Variants in TAF3 observed in about 807,000 individuals in gnomAD.
TAF3 encodes the protein TATA-box binding protein associated factor 3.
TAF3 carries 7 observed loss-of-function variants against 80.6 expected under a neutral mutation model. That is an observed-to-expected ratio of 0.09 (90% CI 0.05 to 0.16). TAF3 has a LOEUF of 0.16. TAF3 is among the 10% of genes least tolerant of loss of function. The pLI is 1.00. For synonymous variants in TAF3, 444 were observed against 446.1 expected (o/e 1.00, Z 0.06); for missense variants, 921 against 1,140.2 (o/e 0.81, Z 2.77).
intron 3 of TAF3, among the ~76,000 whole-genome samples, chr10:7,969,855 C>T (rs116703109): frequency 6.6e-6 from 1 of 152,210 alleles, no homozygotes; most frequent in Non-Finnish European, 1.5e-5. Context: ...CTGCCACTTA[C>T]TCGTTATTCA....
intron 2 of TAF3, among the ~76,000 whole-genome samples, chr10:7,864,396 T>C (rs1837188721): frequency 6.6e-6 from 1 of 152,244 alleles, no homozygotes. Flanking sequence ...TGGTTAACTC[T>C]AACAAATGCA....
chr10:7,958,535 A>G (rs773945058), intron 2 of TAF3, among the ~76,000 whole-genome samples: 4 of 152,180 alleles, frequency 2.6e-5, no homozygotes, highest in Admixed American at 6.5e-5. Context: ...GTAAAGTTCA[A>G]AAACAAGCAA....
intron 2 of TAF3, among the ~76,000 whole-genome samples, chr10:7,923,398 C>T (rs1274703562): frequency 6.6e-6 from 1 of 151,876 alleles, no homozygotes; most frequent in Non-Finnish European, 1.5e-5. Flanking sequence ...AAAATGGACT[C>T]GTGTCCTTTG....
chr10:7,997,517 C>T lies in TAF3; in HGVS notation c.2316-11561C>T, dbSNP rs572855384. 2.0e-5 allele frequency among the ~76,000 whole-genome samples: 3 copies of T among 152,324 alleles called. No individual in the cohort carries two copies. The East Asian group carries it at 5.8e-4, about 29-fold the overall frequency. ...TGAGTTTGCATTACAGGCCAAGCAG[C>T]TCATGACCCATTCTATTTATGTCAC... On this transcript the variant is annotated intron_variant, in intron 4 of 6. Transcript: ENST00000344293.
In TAF3 at chr10:7,990,169, G is replaced by A. The variant is rs75126656; in HGVS notation, c.2315+12846G>A. Among the ~76,000 whole-genome samples the A allele has an allele frequency of 8.5e-3, 1,298 of 152,270 alleles. 20 individuals are homozygous for A. Among genetic ancestry groups the A allele is most frequent in the African/African-American group, 0.028 (1,169 of 41,570 alleles). On this transcript the variant is annotated intron_variant, in intron 4 of 6. Coordinates refer to ENST00000344293, the MANE Select transcript of TAF3 (RefSeq NM_031923.4). Reference sequence around the variant, plus strand: ...TGTTATAACCCAACTGAGAAATGCTGCTTGATCTGTATATGAATACGTGAG... The same window carrying A: ...TGTTATAACCCAACTGAGAAATGCTACTTGATCTGTATATGAATACGTGAG...
intron 2 of TAF3, among the ~76,000 whole-genome samples, chr10:7,893,999 C>G (rs1050019188): frequency 1.3e-5 from 2 of 152,176 alleles, no homozygotes; most frequent in Non-Finnish European, 2.9e-5. Flanking sequence ...GTACAAAACT[C>G]AAGTTACTCC....
At chr10:7,879,271 G>C (rs1005431305) in intron 2 of TAF3, among the ~76,000 whole-genome samples, 1 of 152,038 alleles carries the variant, frequency 6.6e-6, no homozygotes, top group Non-Finnish European at 1.5e-5. Flanking sequence ...TAGTTAAACT[G>C]TATGGTAGAT....
chr10:7,901,099 C>T (rs1427292429), intron 2 of TAF3, among the ~76,000 whole-genome samples: 1 of 44,732 alleles, frequency 2.2e-5, no homozygotes, highest in African/African-American at 7.3e-5. Flanking sequence ...TAAATGCCCT[C>T]ATATTATAAA....
At chr10:7,993,453 A>T (rs1831853679) in intron 4 of TAF3, among the ~76,000 whole-genome samples, 1 of 152,230 alleles carries the variant, frequency 6.6e-6, no homozygotes, top group Non-Finnish European at 1.5e-5. Flanking sequence ...TGCTGAGATT[A>T]TAGGCGTGAG....
chr10:7,990,792 A>G, intron 4 of TAF3, among the ~76,000 whole-genome samples: 1 of 152,206 alleles, frequency 6.6e-6, no homozygotes, highest in South Asian at 2.1e-4. Context: ...AGAGGAGCAC[A>G]GGAGGTGCGT....
intron 2 of TAF3, among the ~76,000 whole-genome samples, chr10:7,948,020 T>C (rs987278172): frequency 6.6e-6 from 1 of 152,116 alleles, no homozygotes; most frequent in Non-Finnish European, 1.5e-5. Context: ...AAGTTTAAAT[T>C]GTCTCAAGTG....
chr10:7,963,854 T>C (rs1241116974), intron 2 of TAF3, 66 bp from the exon 3 acceptor site: 1 of 1,383,826 alleles, frequency 7.2e-7, no homozygotes, highest in East Asian at 2.5e-5. Flanking sequence ...GCATTGTTTT[T>C]ATTTCTTAGG....
rs751387268 is a variant in TAF3 at position 7,818,844 on chromosome 10, G to A, written c.135G>A (p.Leu45=). The change falls in exon 1 of 7, where the codon CTG becomes CTA. Residue 45 remains leucine, a synonymous_variant. Transcript: ENST00000344293. The stretch of plus-strand genomic sequence containing the variant: ...TGCTGCAGCGCTATCTGCAGCAGCT[G>A]GGCCGGGGCTGCCATCGGTACTCTG... ...TDVLQRYLQQ[L]GRGCHRYSEL... is the part of the protein sequence containing the mutation. 2 of 1,538,704 alleles carry A rather than the reference G, an allele frequency of 1.3e-6. No individual in the cohort carries two copies. Among genetic ancestry groups the A allele is most frequent in the Non-Finnish European group, 1.7e-6 (2 of 1,154,252 alleles).
rs57377389 is a variant in TAF3 at position 7,851,593 on chromosome 10, C to T, written c.409+27033C>T. Among the ~76,000 whole-genome samples the T allele has an allele frequency of 1.5e-3, 224 of 152,232 alleles. 1 individual carries two copies. Among genetic ancestry groups the T allele is most frequent in the Middle Eastern group, 0.014 (4 of 294 alleles). Reference sequence around the variant, plus strand: ...ACTTCCGTCATCACCCAGCTTCACCCGTATCTACTCATGGCCAGTCTTATT... The same window carrying T: ...ACTTCCGTCATCACCCAGCTTCACCTGTATCTACTCATGGCCAGTCTTATT... On this transcript the variant is annotated intron_variant, in intron 2 of 6. Transcript: ENST00000344293.
intron 3 of TAF3, among the ~76,000 whole-genome samples, chr10:7,973,136 C>G (rs887240754): frequency 9.9e-5 from 15 of 152,108 alleles, no homozygotes; most frequent in Non-Finnish European, 1.9e-4. Context: ...CACACCTACC[C>G]TATAGAGTTG....
intron 2 of TAF3, among the ~76,000 whole-genome samples, chr10:7,849,286 C>G (rs1483271218): frequency 6.6e-6 from 1 of 151,896 alleles, no homozygotes; most frequent in Non-Finnish European, 1.5e-5. Context: ...CTCTAAAGAG[C>G]TTTTTTAAAA....
At chr10:8,001,916 T>C (rs987041428) in intron 4 of TAF3, among the ~76,000 whole-genome samples, 7 of 152,172 alleles carry the variant, frequency 4.6e-5, no homozygotes, top group African/African-American at 1.7e-4. Flanking sequence ...CCAACAAACA[T>C]TTTCCACTAT....
intron 2 of TAF3, among the ~76,000 whole-genome samples, chr10:7,838,633 A>G (rs1836876989): frequency 6.6e-6 from 1 of 152,106 alleles, no homozygotes. Flanking sequence ...CCACCCACCT[A>G]GGCCTCTCAA....
intron 2 of TAF3, among the ~76,000 whole-genome samples, chr10:7,879,224 G>C (rs1046645364): frequency 6.6e-6 from 1 of 152,038 alleles, no homozygotes; most frequent in Non-Finnish European, 1.5e-5. Flanking sequence ...TATTTTGAGA[G>C]ATTATACCTT....
Sources: gnomAD v4.1 joint callset for allele counts (sites outside exome capture counted in the v4.1 genomes callset) on GRCh38, gnomAD v4.1.1 for gene constraint, MANE v1.5 for transcripts, NCBI Gene and HGNC (gene_info 2026-07-23, HGNC 2026-07-21) for gene names.